The following MGLL variants were observed in gnomAD, a reference collection of about 807,000 sequenced individuals.
The protein encoded by MGLL is monoglyceride lipase.
MGLL carries 7 observed loss-of-function variants against 29.1 expected under a neutral mutation model. The observed-to-expected ratio is 0.24, with a 90% CI of 0.14 to 0.45. The LOEUF (loss-of-function observed/expected upper bound fraction) is 0.45, where lower values mean the gene tolerates loss of function less well. MGLL is among the 20% of genes least tolerant of loss of function. The pLI is 0.99. For synonymous variants in MGLL, 148 were observed against 168.3 expected (o/e 0.88, Z 0.93); for missense variants, 356 against 413.6 (o/e 0.86, Z 1.21).
intron 6 of MGLL, among the ~76,000 whole-genome samples, chr3:127,695,743 C>CA (rs1376360685): frequency 6.0e-5 from 9 of 149,872 alleles, no homozygotes; most frequent in South Asian, 4.3e-4. Context: ...GACTCCGTCT[C>CA]AAAAAAAAAT....
chr3:127,806,660 G>A (rs1388124075), intron 2 of MGLL, among the ~76,000 whole-genome samples: 1 of 151,892 alleles, frequency 6.6e-6, no homozygotes, highest in African/African-American at 2.4e-5. Flanking sequence ...TGTATGGATG[G>A]GTAGATGGGT....
At chr3:127,715,731 G>C (rs1178008285) in intron 5 of MGLL, 1 of 456,682 alleles carries the variant, frequency 2.2e-6, no homozygotes, top group Non-Finnish European at 4.4e-6. Context: ...AGTCATGGCA[G>C]GTCCCGCACC....
intron 2 of MGLL, among the ~76,000 whole-genome samples, chr3:127,794,317 C>A (rs749408846): frequency 1.3e-5 from 2 of 151,726 alleles, no homozygotes; most frequent in Non-Finnish European, 2.9e-5. Flanking sequence ...TGGTGGCATG[C>A]TCCTGTAATC....
intron 2 of MGLL, among the ~76,000 whole-genome samples, chr3:127,804,569 A>G (rs2077533644): frequency 6.6e-6 from 1 of 152,182 alleles, no homozygotes; most frequent in South Asian, 2.1e-4. Context: ...AACTCCTCAG[A>G]GTCTGTGCAC....
chr3:127,692,517 G>C (rs374933681), intron 7 of MGLL, among the ~76,000 whole-genome samples, 194 bp from the exon 8 acceptor site: 9 of 152,304 alleles, frequency 5.9e-5, no homozygotes, highest in African/African-American at 1.9e-4. Flanking sequence ...GTGTTACAAT[G>C]TCCCAGTGTG....
Position 127,730,097 on chromosome 3 carries a change from A to T in MGLL, c.263-7531T>A, listed in dbSNP as rs79824336. ...AACAGGGCTGTCGTCTTTGACTTTA[A>T]TTCTATTTCTACATTCAATTGGTCC... On this transcript the variant is annotated intron_variant, in intron 3 of 7. Coordinates refer to ENST00000265052, the MANE Select transcript of MGLL (RefSeq NM_007283.7). Among the ~76,000 whole-genome samples the T allele has an allele frequency of 6.5e-3, 983 of 152,268 alleles. 16 individuals are homozygous for T. Among genetic ancestry groups the T allele is most frequent in the African/African-American group, 0.023 (952 of 41,546 alleles).
intron 2 of MGLL, among the ~76,000 whole-genome samples, chr3:127,789,845 G>C (rs78582027): frequency 0.06 from 9,063 of 152,204 alleles, 867 homozygotes; most frequent in African/African-American, 0.2. Context: ...CACAGCACAG[G>C]TAAGCATTCT....
chr3:127,822,919 G>A (rs750427925), upstream of MGLL: 28 of 154,922 alleles, frequency 1.8e-4, no homozygotes, highest in Admixed American at 5.9e-4. Flanking sequence ...GCGCGCGCGC[G>A]CACACGCGCG....
chr3:127,743,647 A>G (rs1204091699), intron 3 of MGLL, among the ~76,000 whole-genome samples: 1 of 149,034 alleles, frequency 6.7e-6, no homozygotes, highest in South Asian at 2.1e-4. Flanking sequence ...AGTCACAGGT[A>G]GAAGGGGCCG....
At chr3:127,722,629 G>A (rs2075952027) in intron 3 of MGLL, 63 bp from the exon 4 acceptor site, 15 of 1,608,026 alleles carry the variant, frequency 9.3e-6, no homozygotes, top group Non-Finnish European at 1.3e-5. Flanking sequence ...CACAAGCCCA[G>A]AGTTCTCCTC....
intron 3 of MGLL, among the ~76,000 whole-genome samples, chr3:127,749,146 T>C (rs775059745): frequency 2.6e-5 from 4 of 152,212 alleles, no homozygotes; most frequent in Non-Finnish European, 5.9e-5. Flanking sequence ...CTCTCGACAC[T>C]GGAATGAGGA....
chr3:127,773,984 G>A (rs487369), intron 3 of MGLL, among the ~76,000 whole-genome samples: 6,844 of 152,238 alleles, frequency 0.045, 504 homozygotes, highest in African/African-American at 0.16. Context: ...CCTGCAATCT[G>A]TCTTCGCACA....
chr3:127,726,190 A>G (rs1398042809), intron 3 of MGLL, among the ~76,000 whole-genome samples: 16 of 74,314 alleles, frequency 2.2e-4, no homozygotes, highest in African/African-American at 3.6e-4. Flanking sequence ...GAAAGAAAAG[A>G]AAAGAAAGAA....
intron 3 of MGLL, among the ~76,000 whole-genome samples, chr3:127,774,517 A>C (rs1177101658): frequency 1.3e-5 from 2 of 151,382 alleles, no homozygotes; most frequent in Non-Finnish European, 3.0e-5. Flanking sequence ...CTTCACCTGA[A>C]TGCTCTTTCT....
intron 2 of MGLL, among the ~76,000 whole-genome samples, chr3:127,797,310 C>A (rs1485268748): frequency 6.6e-6 from 1 of 151,766 alleles, no homozygotes; most frequent in Admixed American, 6.6e-5. Flanking sequence ...ATCCTCCTGG[C>A]TTTTTGCAGG....
intron 6 of MGLL, among the ~76,000 whole-genome samples, chr3:127,708,756 G>A (rs2075652661): frequency 6.6e-6 from 1 of 152,188 alleles, no homozygotes; most frequent in Non-Finnish European, 1.5e-5. Flanking sequence ...ACACCTTCAA[G>A]CTAGAGCCAT....
intron 3 of MGLL, among the ~76,000 whole-genome samples, chr3:127,754,227 C>T (rs1333850325): frequency 6.6e-6 from 1 of 152,208 alleles, no homozygotes; most frequent in African/African-American, 2.4e-5. Flanking sequence ...GCACTGCCGC[C>T]CACTCCCCAC....
chr3:127,695,238 C>T, intron 6 of MGLL, 48 bp from the exon 7 acceptor site: 1 of 1,563,250 alleles, frequency 6.4e-7, no homozygotes, highest in Non-Finnish European at 8.8e-7. Context: ...GGGCTCACTT[C>T]CATAAGCCAG....
At chr3:127,746,323 C>T (rs1467863751) in intron 3 of MGLL, among the ~76,000 whole-genome samples, 1 of 152,180 alleles carries the variant, frequency 6.6e-6, no homozygotes, top group Admixed American at 6.5e-5. Context: ...TTCGTGGCTC[C>T]TGGGCAGGTG....
Sources: allele counts gnomAD v4.1 joint callset (sites outside exome capture counted in the v4.1 genomes callset), GRCh38; gene constraint gnomAD v4.1.1; transcripts MANE v1.5; gene names NCBI Gene and HGNC (gene_info 2026-07-23, HGNC 2026-07-21).